ADGRF1: variants seen among roughly 807,000 people sequenced by gnomAD.
ADGRF1 encodes the protein adhesion G protein-coupled receptor F1.
In ADGRF1, 85 loss-of-function variants were observed where a neutral mutation model predicts 87.2. The observed-to-expected ratio is 0.97, with a 90% confidence interval of 0.82 to 1.17. The LOEUF (loss-of-function observed/expected upper bound fraction) is 1.17, where lower values mean the gene tolerates loss of function less well. Ranked by LOEUF, ADGRF1 falls within the 50% of genes most tolerant of loss-of-function variation. ADGRF1 has a pLI of 0.00. For missense variants in ADGRF1, 1,169 were observed against 1,077.2 expected (o/e 1.09, Z -1.19); for synonymous variants, 430 against 408.8 (o/e 1.05, Z -0.63).
chr6:47,018,565 CACA>C (rs1250453091), intron 7 of ADGRF1: 2 of 1,289,086 alleles, frequency 1.6e-6, no homozygotes, highest in Non-Finnish European at 2.0e-6. Flanking sequence ...AACCAGGTTC[CACA>C]GGTGTATAAC....
intron 11 of ADGRF1, 124 bp from the exon 12 acceptor site, chr6:47,007,418 G>C (rs1779563585): frequency 1.8e-6 from 1 of 568,912 alleles, no homozygotes; most frequent in Non-Finnish European, 3.1e-6. Flanking sequence ...CTCCTTAAGA[G>C]ACTGTAGTCT....
Position 47,022,772 on chromosome 6 carries a change from C to A in ADGRF1, c.452-714G>T, listed in dbSNP as rs186220589. 2.0e-5 allele frequency among the ~76,000 whole-genome samples: 3 copies of A among 151,504 alleles called. No individual in the cohort carries two copies. The East Asian group carries it at 5.8e-4, about 29-fold the overall frequency. On this transcript the variant is annotated intron_variant, in intron 5 of 14. Coordinates refer to ENST00000371253, the MANE Select transcript of ADGRF1 (RefSeq NM_153840.4). ...TCAAAGATGGATTAGACATGGACCA[C>A]CTTTTTCTTTCCTTTCTTTCTTTTC...
At chr6:47,007,788 C>T (rs899687637) in intron 11 of ADGRF1, among the ~76,000 whole-genome samples, 4 of 152,156 alleles carry the variant, frequency 2.6e-5, no homozygotes, top group Non-Finnish European at 2.9e-5. Flanking sequence ...AATTCCTTCT[C>T]TCAGGCATAG....
At chr6:47,001,147 A>C (rs1027760224) in intron 14 of ADGRF1, among the ~76,000 whole-genome samples, 6 of 152,260 alleles carry the variant, frequency 3.9e-5, no homozygotes, top group African/African-American at 1.4e-4. Flanking sequence ...GGCAGCTGGC[A>C]CAAAGGGGTG....
chr6:47,010,983 A>G lies in ADGRF1; in HGVS notation c.1117-665T>C, dbSNP rs191288877. Among the ~76,000 whole-genome samples the G allele has an allele frequency of 1.4e-3, 213 of 151,004 alleles. 1 individual carries two copies. Among genetic ancestry groups the G allele is most frequent in the African/African-American group, 4.6e-3 (185 of 40,458 alleles). On this transcript the variant is annotated intron_variant, in intron 10 of 14. Coordinates refer to ENST00000371253, the MANE Select transcript of ADGRF1 (RefSeq NM_153840.4). ...TTGCTTATGGGTCTGGCTCCCAGAC[A>G]CTCTGGCTGCAAGCATCTGTCACTC...
Position 47,001,544 on chromosome 6 carries a change from G to A in ADGRF1, c.2616C>T (p.Ala872=). Residue 872 remains alanine, a synonymous_variant, in exon 14 of 15, where the codon GCC becomes GCT. Transcript: ENST00000371253. ...TEKQNSSDLS[A]KPKFSKPFNP... ...TGAAAGGCTTTGAGAATTTGGGTTT[G>A]GCAGATAAATCTGATGAGTTTTGCT... 1 of 1,613,804 alleles carries A rather than the reference G, an allele frequency of 6.2e-7. No individual in the cohort carries two copies. The highest frequency in any genetic ancestry group is 8.5e-7 in the Non-Finnish European group (1 of 1,179,854).
At position 47,009,712 on chromosome 6, in the gene ADGRF1, G is replaced by A; in HGVS notation, c.1723C>T (p.Pro575Ser). The change falls in exon 11 of 15, where the codon CCT becomes TCT. Residue 575 changes from proline (P) to serine (S), a missense_variant. Coordinates refer to ENST00000371253, the MANE Select transcript of ADGRF1 (RefSeq NM_153840.4). Reference protein sequence around the residue: ...HLTSFSILMSPFVPSTIFPVV... With the variant: ...HLTSFSILMSSFVPSTIFPVV... ...GGGAAGATTGTAGAGGGGACAAAAG[G>A]TGACATCAATATGGAGAAGGAGGTC... 1 of 1,614,174 alleles carries A rather than the reference G, an allele frequency of 6.2e-7. No homozygotes were observed. The highest frequency in any genetic ancestry group is 1.3e-5 in the African/African-American group (1 of 75,040).
intron 14 of ADGRF1, among the ~76,000 whole-genome samples, chr6:47,001,050 T>C (rs576209719): frequency 6.6e-6 from 1 of 152,366 alleles, no homozygotes; most frequent in East Asian, 1.9e-4. Flanking sequence ...TCTTAGCAGG[T>C]GTGGCCCCTT....
rs1780017882 is a variant in ADGRF1 at position 47,020,588 on chromosome 6, C to T, written c.611+143G>A. ...TCAGACTTTTTAAAGCATCACAGATCCTTGTTCACTTAGTAAAAATCCTAC... is the reference window on the plus strand; with the variant it reads ...TCAGACTTTTTAAAGCATCACAGATTCTTGTTCACTTAGTAAAAATCCTAC... On this transcript the variant is annotated intron_variant, in intron 7 of 14. Transcript: ENST00000371253. The T allele has an allele frequency of 3.1e-5, 48 of 1,524,336 alleles. 2 individuals carry two copies. The South Asian group carries it at 5.2e-4, about 17-fold the overall frequency. The allele number at this position is 1,524,336 out of a possible 1,614,324, so 94.4% of individuals were successfully genotyped here.
chr6:47,038,852 TTAAG>T (rs1409038567), intron 1 of ADGRF1, among the ~76,000 whole-genome samples: 1 of 152,238 alleles, frequency 6.6e-6, no homozygotes, highest in Non-Finnish European at 1.5e-5. Context: ...AAATATATCA[TTAAG>T]TGTCTTATCA....
rs769330791 is a variant in ADGRF1 at position 47,010,142 on chromosome 6, C to G, written c.1293G>C (p.Trp431Cys). ...GGCTTTTGTTCACTGGAATCCCTTT[C>G]CAGTCAATGAATTTCCGAGAAAAAT... ...PLNFSRKFID[W>C]KGIPVNKSQL... The change falls in exon 11 of 15, where the codon TGG (tryptophan) becomes TGC (cysteine). Residue 431 changes from tryptophan to cysteine, a missense_variant. Physicochemically the swap from Trp to Cys is radical, Grantham distance 215. Transcript: ENST00000371253. 6.2e-7 allele frequency: 1 copy of G among 1,614,134 alleles called. No individual in the cohort carries two copies.
At chr6:47,030,576 A>ATG (rs3030596) in intron 1 of ADGRF1, among the ~76,000 whole-genome samples, 56,332 of 138,212 alleles carry the variant, frequency 0.41, 12,668 homozygotes, top group Non-Finnish European at 0.53. Context: ...TAACATGAAT[A>ATG]TGTGTGTGTG....
rs766026657 is a variant in ADGRF1, at chr6:47,024,236, TC to T, written c.278-20del. The T allele has an allele frequency of 1.7e-4, 276 of 1,596,694 alleles. No individual in the cohort carries two copies. In the East Asian group the frequency reaches 2.6e-3, roughly 15 times the overall value. On this transcript the variant is annotated intron_variant, in intron 4 of 14. Transcript: ENST00000371253. Reference sequence around the variant, plus strand: ...TTGCAGTCTGCACAAGAAATAGAACTCAGTCTCATGGATTCTGGTTTATAAA... The same window carrying T: ...TTGCAGTCTGCACAAGAAATAGAACTAGTCTCATGGATTCTGGTTTATAAA...
rs1779283461 is a variant in ADGRF1 at position 46,998,966 on chromosome 6, C to A, written c.*1256G>T. The A allele has an allele frequency of 6.6e-6, 1 of 152,262 alleles. No homozygotes were observed. The highest frequency in any genetic ancestry group is 1.9e-4 in the East Asian group (1 of 5,202). The allele number at this position is 152,262 out of a possible 1,614,324, so 9.4% of individuals were successfully genotyped here. A position where few individuals can be genotyped will look rare whatever the true frequency, so the allele number is the denominator to read the frequency against. ...TACCACCACTAACTAGAAGTTCCCCCAGCTGTCTTTATTTGCATAGCATGA... is the reference window on the plus strand; with the variant it reads ...TACCACCACTAACTAGAAGTTCCCCAAGCTGTCTTTATTTGCATAGCATGA... On this transcript the variant is annotated 3_prime_UTR_variant, in exon 15 of 15. Transcript: ENST00000371253.
chr6:47,007,182 G>A (rs1423527161), intron 12 of ADGRF1, 71 bp downstream of exon 12: 1 of 853,380 alleles, frequency 1.2e-6, no homozygotes, highest in Non-Finnish European at 1.9e-6. Context: ...ATGAATAAAG[G>A]CCTCAGAACA....
At chr6:47,016,529 C>A in intron 8 of ADGRF1, 88 bp downstream of exon 8, 1 of 1,360,832 alleles carries the variant, frequency 7.3e-7, no homozygotes, top group Non-Finnish European at 9.7e-7. Context: ...GTTATTCAAA[C>A]GTCTCAAATC....
In ADGRF1 at chr6:47,014,719, C is replaced by T; in HGVS notation, c.889G>A (p.Glu297Lys). The T allele has an allele frequency of 1.2e-6, 2 of 1,613,806 alleles. No individual in the cohort carries two copies. Among genetic ancestry groups the T allele is most frequent in the Non-Finnish European group, 1.7e-6 (2 of 1,179,936 alleles). Reference protein sequence around the residue: ...CESSGWQVIRETCVLSLLEEL... With the variant: ...CESSGWQVIRKTCVLSLLEEL... Reference sequence around the variant, plus strand: ...TCAAGCAGAGAGAGCACACAAGTCTCCCTGATGACCTGCCACCCAGAGGAC... The same window carrying T: ...TCAAGCAGAGAGAGCACACAAGTCTTCCTGATGACCTGCCACCCAGAGGAC... The change falls in exon 9 of 15, where the codon GAG becomes AAG. Residue 297 changes from glutamate (E) to lysine (K), a missense_variant. Coordinates refer to ENST00000371253, the MANE Select transcript of ADGRF1 (RefSeq NM_153840.4).
At chr6:47,032,954 G>C (rs73480761) in intron 1 of ADGRF1, among the ~76,000 whole-genome samples, 2,239 of 152,334 alleles carry the variant, frequency 0.015, 59 homozygotes, top group African/African-American at 0.05. Context: ...TGCTTTGCGT[G>C]TGTGCAGGGT....
At position 47,000,256 on chromosome 6, in the gene ADGRF1, T is replaced by C. The variant is rs1374961915; in HGVS notation, c.2699A>G (p.Asn900Ser). 6.2e-7 allele frequency: 1 copy of C among 1,608,094 alleles called. No homozygotes were observed. The highest frequency in any genetic ancestry group is 1.3e-5 in the African/African-American group (1 of 74,976). The change falls in exon 15 of 15, where the codon AAC becomes AGC. Residue 900 changes from asparagine to serine, a missense_variant. Physicochemically the swap from Asn to Ser is conservative, Grantham distance 46. Transcript: ENST00000371253. Reference sequence around the variant, plus strand: ...TGAGACAAACTGAGTTAGCATGATGTTGTCGGAGGAATCTCCAGTATGAGA... The same window carrying C: ...TGAGACAAACTGAGTTAGCATGATGCTGTCGGAGGAATCTCCAGTATGAGA... ...AFSHTGDSSD[N>S]IMLTQFVSNE
Sources: gnomAD v4.1 joint callset for allele counts (sites outside exome capture counted in the v4.1 genomes callset) on GRCh38, gnomAD v4.1.1 for gene constraint, MANE v1.5 for transcripts, NCBI Gene and HGNC (gene_info 2026-07-23, HGNC 2026-07-21) for gene names.